PHF21A: variants seen among roughly 807,000 people sequenced by gnomAD.
PHF21A encodes the protein PHD finger protein 21A.
A neutral mutation model predicts 82.5 loss-of-function variants in PHF21A; 11 were observed. That is an observed-to-expected ratio of 0.13 (90% CI 0.08 to 0.22). The LOEUF is 0.22. Ranked by LOEUF, PHF21A falls within the 10% of genes least tolerant of loss-of-function variation. The pLI, the probability that PHF21A is intolerant of heterozygous loss-of-function variation, is 1.00. For synonymous variants in PHF21A, 297 were observed against 302.8 expected (o/e 0.98, Z 0.20); for missense variants, 579 against 837.8 (o/e 0.69, Z 3.81).
At chr11:45,969,939 A>G in intron 8 of PHF21A, 35 bp from the exon 9 acceptor site, 1 of 1,323,310 alleles carries the variant, frequency 7.6e-7, no homozygotes, top group Non-Finnish European at 1.1e-6. Flanking sequence ...ACCAGAGAGA[A>G]CAATTACTCT....
rs1464915698 is a variant in PHF21A at position 46,109,141 on chromosome 11, G to A, written c.-237+11794C>T. 2.0e-5 allele frequency among the ~76,000 whole-genome samples: 3 copies of A among 152,142 alleles called. No homozygotes were observed. In the East Asian group the frequency reaches 5.8e-4, roughly 29 times the overall value. ...ATTACATAGTTTAGTATAGCATTTT[G>A]GACATTTAAGAGCAAGGGCTCAGGA... On this transcript the variant is annotated intron_variant, in intron 1 of 18. Coordinates refer to ENST00000676320, the MANE Select transcript of PHF21A (RefSeq NM_001352027.3).
At chr11:45,955,012 C>T (rs974346316) in intron 10 of PHF21A, among the ~76,000 whole-genome samples, 9 of 152,092 alleles carry the variant, frequency 5.9e-5, no homozygotes, top group African/African-American at 2.2e-4. Context: ...ATAAAGAAAG[C>T]GTAAGCATCT....
chr11:45,983,089 T>G (rs1229014080), intron 6 of PHF21A, among the ~76,000 whole-genome samples: 2 of 151,842 alleles, frequency 1.3e-5, no homozygotes, highest in Non-Finnish European at 2.9e-5. Flanking sequence ...GAGCAAGGGA[T>G]GCGGGCTAGA....
At chr11:46,011,806 T>TA (rs1448972480) in intron 6 of PHF21A, among the ~76,000 whole-genome samples, 6 of 152,174 alleles carry the variant, frequency 3.9e-5, no homozygotes, top group Admixed American at 2.0e-4. Context: ...ATTGCAAAGA[T>TA]AAAAAAATCA....
chr11:46,003,982 C>T (rs572359727), intron 6 of PHF21A, among the ~76,000 whole-genome samples: 7 of 152,024 alleles, frequency 4.6e-5, no homozygotes, highest in Non-Finnish European at 7.4e-5. Context: ...AACAAAAATG[C>T]TTCAATATAT....
Position 46,086,844 on chromosome 11 carries a change from A to T in PHF21A, c.-83-2542T>A, listed in dbSNP as rs529091070. ...TAAAACACAAAGAACTTAACATTATACATAACAAAGGGCTAATACAGTTTA... is the reference window on the plus strand; with the variant it reads ...TAAAACACAAAGAACTTAACATTATTCATAACAAAGGGCTAATACAGTTTA... On this transcript the variant is annotated intron_variant, in intron 3 of 18. Coordinates refer to ENST00000676320, the MANE Select transcript of PHF21A (RefSeq NM_001352027.3). Among the ~76,000 whole-genome samples, 4 of 152,360 alleles carry T rather than the reference A, an allele frequency of 2.6e-5. No individual in the cohort carries two copies. In the East Asian group the frequency reaches 7.7e-4, roughly 29 times the overall value.
chr11:46,121,069 T>C lies in PHF21A; in HGVS notation c.-371A>G, dbSNP rs1322778982. 1 of 155,564 alleles carries C rather than the reference T, an allele frequency of 6.4e-6. No individual in the cohort carries two copies. The highest frequency in any genetic ancestry group is 1.4e-5 in the Non-Finnish European group (1 of 71,112). 9.6% of individuals were successfully genotyped at this position (155,564 alleles called of 1,614,324 possible). On this transcript the variant is annotated 5_prime_UTR_variant, in exon 1 of 19. Transcript: ENST00000676320. ...AGAAGCTGGAGCTGCTGCTGCTGCT[T>C]CTGCTGCTGCTCTGGGCCTCTCGCA...
At chr11:46,055,515 A>G (rs1251267236) in intron 6 of PHF21A, among the ~76,000 whole-genome samples, 1 of 152,174 alleles carries the variant, frequency 6.6e-6, no homozygotes, top group African/African-American at 2.4e-5. Context: ...CTCTCCACAG[A>G]GCTTTTACTG....
chr11:46,063,525 G>A (rs2139578380), intron 6 of PHF21A, among the ~76,000 whole-genome samples: 1 of 152,230 alleles, frequency 6.6e-6, no homozygotes, highest in South Asian at 2.1e-4. Context: ...ACAAAAACAG[G>A]TGGCAGGACA....
Position 46,025,312 on chromosome 11 carries a change from G to GAC in PHF21A, c.154-45347_154-45346insGT, listed in dbSNP as rs2095717720. Among the ~76,000 whole-genome samples, 14 of 152,122 alleles carry GAC rather than the reference G, an allele frequency of 9.2e-5. No individual in the cohort carries two copies. The South Asian group carries it at 2.9e-3, about 32-fold the overall frequency. On this transcript the variant is annotated intron_variant, in intron 6 of 18. Transcript: ENST00000676320. ...TTTCTTCTTTTCTCAAACTTACTAT[G>GAC]TCCCTTTCACACAATATGACCAATA...
chr11:46,020,447 C>T lies in PHF21A; in HGVS notation c.154-40481G>A, dbSNP rs55879730. 1.2e-3 allele frequency among the ~76,000 whole-genome samples: 182 copies of T among 152,278 alleles called. 5 individuals carry two copies. The South Asian group carries it at 0.024, about 20-fold the overall frequency. ...GCAGGAGGGAAGCACCGTGTACATA[C>T]GCAGCGGATGGAAGTGCTTACCAGG... On this transcript the variant is annotated intron_variant, in intron 6 of 18. Transcript: ENST00000676320.
intron 16 of PHF21A, among the ~76,000 whole-genome samples, chr11:45,937,917 A>G (rs2089467910): frequency 6.6e-6 from 1 of 152,256 alleles, no homozygotes; most frequent in Non-Finnish European, 1.5e-5. Flanking sequence ...CTTGACTTTT[A>G]AAGAGAAGAC....
intron 1 of PHF21A, among the ~76,000 whole-genome samples, chr11:46,103,132 T>G (rs1488948116): frequency 6.6e-6 from 1 of 152,198 alleles, no homozygotes; most frequent in Admixed American, 6.5e-5. Flanking sequence ...TTTTTACAAA[T>G]TAAGCAGGGA....
At chr11:46,029,643 G>T (rs927280320) in intron 6 of PHF21A, among the ~76,000 whole-genome samples, 2 of 150,162 alleles carry the variant, frequency 1.3e-5, no homozygotes, top group Admixed American at 6.6e-5. Context: ...AGCCAAGATC[G>T]TGCCACTGCA....
intron 11 of PHF21A, among the ~76,000 whole-genome samples, chr11:45,951,107 C>T (rs1457394710): frequency 6.6e-6 from 1 of 152,160 alleles, no homozygotes; most frequent in Non-Finnish European, 1.5e-5. Flanking sequence ...GATTTCTATT[C>T]TTTTCTTTGC....
chr11:46,079,935 C>A (rs1018324250), intron 4 of PHF21A, among the ~76,000 whole-genome samples: 1 of 151,980 alleles, frequency 6.6e-6, no homozygotes, highest in African/African-American at 2.4e-5. Context: ...TTGACCTAAC[C>A]CAACTTCTAA....
chr11:45,993,520 T>C (rs1591710803), intron 6 of PHF21A, among the ~76,000 whole-genome samples: 1 of 151,912 alleles, frequency 6.6e-6, no homozygotes, highest in Middle Eastern at 3.4e-3. Context: ...GAAAACTAGT[T>C]TGAATGAAGC....
rs768688582 is a variant in PHF21A, at chr11:45,979,792, C to T, written c.328G>A (p.Ala110Thr). The T allele has an allele frequency of 1.2e-6, 2 of 1,614,060 alleles. No individual in the cohort carries two copies. Among genetic ancestry groups the T allele is most frequent in the South Asian group, 2.2e-5 (2 of 91,068 alleles). The change falls in exon 7 of 19, where the codon GCT becomes ACT. Residue 110 changes from alanine (A) to threonine (T), a missense_variant. By Grantham distance (58) the Ala-to-Thr change is moderately conservative. Coordinates refer to ENST00000676320, the MANE Select transcript of PHF21A (RefSeq NM_001352027.3). ...QYHHHHAQQS[A>T]AASPNLTASQ... is the part of the protein sequence containing the mutation. ...GCAGTCAGGTTGGGAGAGGCTGCAG[C>T]TGACTGCTGGGCGTGGTGGTGGTGG...
chr11:45,977,521 A>G (rs2094092169), intron 7 of PHF21A, among the ~76,000 whole-genome samples: 1 of 152,232 alleles, frequency 6.6e-6, no homozygotes, highest in Non-Finnish European at 1.5e-5. Flanking sequence ...AACAGGAAAC[A>G]ATGAATTCTA....
Sources: allele counts gnomAD v4.1 joint callset (sites outside exome capture counted in the v4.1 genomes callset), GRCh38; gene constraint gnomAD v4.1.1; transcripts MANE v1.5; gene names NCBI Gene and HGNC (gene_info 2026-07-23, HGNC 2026-07-21).